The following PDE10A variants were observed in gnomAD, a reference collection of about 807,000 sequenced individuals.
PDE10A encodes the protein cAMP and cAMP-inhibited cGMP 3',5'-cyclic phosphodiesterase 10A.
A neutral mutation model predicts 97.7 loss-of-function variants in PDE10A; 39 were observed. That is an observed-to-expected ratio of 0.40 (90% confidence interval 0.31 to 0.52). The LOEUF (loss-of-function observed/expected upper bound fraction) is 0.52, where lower values mean the gene tolerates loss of function less well. PDE10A is among the 20% of genes least tolerant of loss of function. The pLI is 0.56. For missense variants in PDE10A, 731 were observed against 1,047.8 expected (o/e 0.70, Z 4.17); for synonymous variants, 371 against 376.8 (o/e 0.98, Z 0.18).
At chr6:165,412,671 A>G (rs560076298) in intron 13 of PDE10A, among the ~76,000 whole-genome samples, 113 of 152,210 alleles carry the variant, frequency 7.4e-4, no homozygotes, top group African/African-American at 2.5e-3. Flanking sequence ...AGTTTTACCA[A>G]TGCTTGTCCC....
intron 1 of PDE10A, among the ~76,000 whole-genome samples, chr6:165,560,099 T>A (rs1008954243): frequency 6.6e-6 from 1 of 152,240 alleles, no homozygotes; most frequent in Non-Finnish European, 1.5e-5. Context: ...TAGGACATGT[T>A]ATGCTACAGG....
chr6:165,334,570 T>C (rs1395022761), intron 21 of PDE10A, among the ~76,000 whole-genome samples: 2 of 152,250 alleles, frequency 1.3e-5, no homozygotes, highest in African/African-American at 4.8e-5. Context: ...CTTTTGAAGA[T>C]ATTGGTTTAA....
intron 1 of PDE10A, among the ~76,000 whole-genome samples, chr6:165,793,584 C>T (rs539992719): frequency 1.8e-4 from 27 of 152,306 alleles, no homozygotes; most frequent in South Asian, 1.2e-3. Context: ...CCCCAGCTTT[C>T]CATGACAAGA....
At chr6:165,678,826 G>A (rs552890248) in intron 1 of PDE10A, among the ~76,000 whole-genome samples, 2 of 152,322 alleles carry the variant, frequency 1.3e-5, no homozygotes, top group East Asian at 3.9e-4. Context: ...ACATGTGGCA[G>A]AAATTCTATC....
At chr6:165,927,647 C>CATATATATATATATATATATATATATAT (rs71029572) in intron 1 of PDE10A, among the ~76,000 whole-genome samples, 3 of 73,236 alleles carry the variant, frequency 4.1e-5, no homozygotes, top group Admixed American at 3.0e-4. Flanking sequence ...ATGAGAATGA[C>CATATATATATATATATATATATATATAT]ATATATATAT....
At chr6:165,525,058 G>C (rs981933516) in intron 2 of PDE10A, among the ~76,000 whole-genome samples, 1 of 152,072 alleles carries the variant, frequency 6.6e-6, no homozygotes, top group East Asian at 1.9e-4. Flanking sequence ...CAGGGAAAAT[G>C]ATGTTGATTC....
intron 1 of PDE10A, among the ~76,000 whole-genome samples, chr6:165,792,234 G>A (rs543671186): frequency 1.3e-4 from 20 of 152,290 alleles, no homozygotes; most frequent in African/African-American, 4.6e-4. Flanking sequence ...CAACCAGGCC[G>A]GGTTTTCACC....
chr6:165,506,354 T>C (rs1200294388), intron 2 of PDE10A, among the ~76,000 whole-genome samples: 2 of 152,204 alleles, frequency 1.3e-5, no homozygotes, highest in African/African-American at 4.8e-5. Context: ...AGCAATGTTG[T>C]GATAAATATT....
intron 1 of PDE10A, among the ~76,000 whole-genome samples, chr6:165,563,990 C>T (rs1017846754): frequency 2.0e-5 from 3 of 152,078 alleles, no homozygotes; most frequent in African/African-American, 7.2e-5. Context: ...TCACCCCCTC[C>T]ACCCTCTCCC....
intron 13 of PDE10A, among the ~76,000 whole-genome samples, chr6:165,398,030 A>G (rs995790804): frequency 6.6e-6 from 1 of 152,218 alleles, no homozygotes; most frequent in Non-Finnish European, 1.5e-5. Flanking sequence ...TTACTAAAAA[A>G]TTACATATTT....
intron 1 of PDE10A, among the ~76,000 whole-genome samples, chr6:165,625,020 G>C (rs944884249): frequency 7.9e-5 from 12 of 152,196 alleles, no homozygotes; most frequent in African/African-American, 2.4e-4. Context: ...GCACCAAGGG[G>C]AAGTGTGTTT....
intron 1 of PDE10A, among the ~76,000 whole-genome samples, chr6:165,684,181 G>T (rs4470827): frequency 6.6e-6 from 1 of 151,858 alleles, no homozygotes; most frequent in Non-Finnish European, 1.5e-5. Context: ...AGCACCTGGC[G>T]TGCTCTATGT....
intron 1 of PDE10A, among the ~76,000 whole-genome samples, chr6:165,734,854 G>A (rs866125175): frequency 2.0e-5 from 3 of 152,110 alleles, no homozygotes; most frequent in Non-Finnish European, 2.9e-5. Context: ...AGATAAGAAC[G>A]CTTAAATTGG....
chr6:165,805,163 G>A (rs1231537820), intron 1 of PDE10A, among the ~76,000 whole-genome samples: 2 of 151,982 alleles, frequency 1.3e-5, no homozygotes, highest in Admixed American at 1.3e-4. Context: ...GGGGCGGCGG[G>A]GCGTGGGACG....
intron 1 of PDE10A, among the ~76,000 whole-genome samples, chr6:165,609,957 C>A (rs1218392121): frequency 6.6e-6 from 1 of 152,126 alleles, no homozygotes; most frequent in African/African-American, 2.4e-5. Flanking sequence ...AGATTCAATG[C>A]CATCCCCATC....
intron 17 of PDE10A, among the ~76,000 whole-genome samples, chr6:165,387,839 G>A (rs1405064917): frequency 6.6e-6 from 1 of 152,154 alleles, no homozygotes; most frequent in Non-Finnish European, 1.5e-5. Context: ...GTCTGTGATT[G>A]TCTACATCAA....
chr6:165,847,007 G>A (rs919289267), intron 1 of PDE10A, among the ~76,000 whole-genome samples: 25 of 152,232 alleles, frequency 1.6e-4, no homozygotes, highest in African/African-American at 5.8e-4. Flanking sequence ...GACAACTCCT[G>A]CAAGACACAC....
chr6:165,743,409 G>A lies in PDE10A; in HGVS notation c.-614-199841C>T, dbSNP rs147750154. ...TAACTGAACTAGTCTTTATTTGGAC[G>A]TCACTGTTTTTTAATGTCGAAAAAC... On this transcript the variant is annotated intron_variant, in intron 1 of 19. Coordinates refer to the PDE10A transcript ENST00000366882. 8.2e-3 allele frequency among the ~76,000 whole-genome samples: 1,242 copies of A among 152,150 alleles called. 16 individuals carry two copies. Among genetic ancestry groups the A allele is most frequent in the Middle Eastern group, 0.027 (8 of 292 alleles).
intron 2 of PDE10A, among the ~76,000 whole-genome samples, chr6:165,531,271 A>G (rs1451964305): frequency 2.0e-5 from 3 of 151,688 alleles, no homozygotes; most frequent in Non-Finnish European, 2.9e-5. Context: ...TTAGATTCAA[A>G]GCTCCATTAT....
Sources: gnomAD v4.1 joint callset for allele counts (sites outside exome capture counted in the v4.1 genomes callset) on GRCh38, gnomAD v4.1.1 for gene constraint, MANE v1.5 for transcripts, NCBI Gene and HGNC (gene_info 2026-07-23, HGNC 2026-07-21) for gene names.